CCSER1: variants seen among roughly 807,000 people sequenced by gnomAD.
The protein encoded by CCSER1 is coiled-coil serine rich protein 1.
A neutral mutation model predicts 82.0 loss-of-function variants in CCSER1; 41 were observed. That is an observed-to-expected ratio of 0.50 (90% CI 0.39 to 0.65). The LOEUF (loss-of-function observed/expected upper bound fraction) is 0.65. Ranked by LOEUF, CCSER1 falls within the 30% of genes least tolerant of loss-of-function variation. The pLI is 0.00. For synonymous variants in CCSER1, 414 were observed against 383.9 expected (o/e 1.08, Z -0.92); for missense variants, 1,119 against 1,064.2 (o/e 1.05, Z -0.72).
At chr4:90,158,378 G>C (rs1012338612) in intron 1 of CCSER1, among the ~76,000 whole-genome samples, 2 of 152,186 alleles carry the variant, frequency 1.3e-5, no homozygotes, top group South Asian at 4.1e-4. Context: ...CTCCAGCTGC[G>C]TGCTGGGAGA....
chr4:90,759,669 G>T (rs1244872869), intron 7 of CCSER1, among the ~76,000 whole-genome samples: 1 of 152,184 alleles, frequency 6.6e-6, no homozygotes, highest in Non-Finnish European at 1.5e-5. Context: ...GGCAACTCCA[G>T]TGAAGAACTC....
intron 10 of CCSER1, among the ~76,000 whole-genome samples, chr4:91,562,248 G>GT (rs918995365): frequency 9.2e-4 from 139 of 150,856 alleles, no homozygotes; most frequent in African/African-American, 3.3e-3. Flanking sequence ...ATATTGAAGT[G>GT]TTTTTTTTCA....
At chr4:90,805,021 A>C (rs1320165362) in intron 7 of CCSER1, among the ~76,000 whole-genome samples, 1 of 152,222 alleles carries the variant, frequency 6.6e-6, no homozygotes, top group Non-Finnish European at 1.5e-5. Flanking sequence ...TTTACTTTAA[A>C]AAATTTACTG....
intron 5 of CCSER1, among the ~76,000 whole-genome samples, chr4:90,535,127 C>A (rs1775150031): frequency 6.6e-6 from 1 of 152,002 alleles, no homozygotes; most frequent in Admixed American, 6.6e-5. Context: ...GAATAATTAA[C>A]TGCCACATTT....
intron 3 of CCSER1, among the ~76,000 whole-genome samples, chr4:90,383,777 G>A (rs1292313679): frequency 1.3e-5 from 2 of 151,434 alleles, no homozygotes; most frequent in South Asian, 2.1e-4. Context: ...TGTTGCCCAG[G>A]CTTGAGGACA....
At chr4:91,541,133 A>G (rs1028112036) in intron 10 of CCSER1, among the ~76,000 whole-genome samples, 2 of 152,232 alleles carry the variant, frequency 1.3e-5, no homozygotes, top group Non-Finnish European at 2.9e-5. Flanking sequence ...AAGTTGCGGC[A>G]AAGTGAGTTC....
At chr4:91,537,375 A>T (rs908550047) in intron 10 of CCSER1, among the ~76,000 whole-genome samples, 4 of 152,128 alleles carry the variant, frequency 2.6e-5, no homozygotes, top group Non-Finnish European at 5.9e-5. Context: ...TTAAAAAAGT[A>T]TTTAGCACAT....
At chr4:90,413,981 A>AATATATATATATATATATATATATAT (rs70963066) in intron 4 of CCSER1, among the ~76,000 whole-genome samples, 5 of 52,444 alleles carry the variant, frequency 9.5e-5, no homozygotes, top group East Asian at 8.4e-4. Flanking sequence ...AAAAAAAAAA[A>AATATATATATATATATATATATATAT]ATATATATAT....
intron 5 of CCSER1, among the ~76,000 whole-genome samples, chr4:90,620,877 G>A (rs943721481): frequency 6.6e-6 from 1 of 151,982 alleles, no homozygotes; most frequent in Non-Finnish European, 1.5e-5. Context: ...GCAGTGGCGC[G>A]ATCTCAGCTC....
chr4:90,651,366 G>A (rs1408132866), intron 6 of CCSER1, among the ~76,000 whole-genome samples: 1 of 152,060 alleles, frequency 6.6e-6, no homozygotes, highest in Admixed American at 6.6e-5. Flanking sequence ...CCATAAAAAA[G>A]GGTAAGTTCA....
intron 5 of CCSER1, among the ~76,000 whole-genome samples, chr4:90,621,820 A>G (rs540805870): frequency 1.0e-3 from 154 of 152,288 alleles, no homozygotes; most frequent in African/African-American, 3.6e-3. Flanking sequence ...TTGGAACTCT[A>G]TGTCTATCAG....
At chr4:91,419,655 A>G (rs966439745) in intron 10 of CCSER1, among the ~76,000 whole-genome samples, 2 of 152,008 alleles carry the variant, frequency 1.3e-5, no homozygotes, top group African/African-American at 2.4e-5. Context: ...ATTCATTGCA[A>G]TCCTTATCAG....
chr4:90,689,644 G>T (rs993537636), intron 6 of CCSER1, among the ~76,000 whole-genome samples: 7 of 152,044 alleles, frequency 4.6e-5, no homozygotes, highest in Admixed American at 4.6e-4. Context: ...AGTGGACCCT[G>T]ATCTTAAGAT....
At chr4:91,139,918 G>A (rs1049405139) in intron 10 of CCSER1, among the ~76,000 whole-genome samples, 12 of 152,008 alleles carry the variant, frequency 7.9e-5, no homozygotes, top group Non-Finnish European at 1.3e-4. Context: ...AAAGTACAAA[G>A]AAAGTACTTG....
intron 5 of CCSER1, chr4:90,468,558 C>T (rs888466489): frequency 1.1e-4 from 46 of 437,628 alleles, no homozygotes; most frequent in Non-Finnish European, 1.5e-4. Flanking sequence ...ATGTGTCATT[C>T]AAGTTTCATT....
chr4:91,165,985 A>C (rs2148990055), intron 10 of CCSER1, among the ~76,000 whole-genome samples: 1 of 152,336 alleles, frequency 6.6e-6, no homozygotes, highest in African/African-American at 2.4e-5. Flanking sequence ...CCTCAGTAGG[A>C]AATGCAGAAA....
At position 90,804,237 on chromosome 4, in the gene CCSER1, T is replaced by C. The variant is rs1277029428; in HGVS notation, c.2011-11525T>C. Among the ~76,000 whole-genome samples, 4 of 152,306 alleles carry C rather than the reference T, an allele frequency of 2.6e-5. No individual in the cohort carries two copies. In the East Asian group the frequency reaches 7.7e-4, roughly 29 times the overall value. Reference sequence around the variant, plus strand: ...TTTAATTAGATCCCATTTGTCAGTTTTGGCTTTTTTTGCTGTTGCTTTTGG... The same window carrying C: ...TTTAATTAGATCCCATTTGTCAGTTCTGGCTTTTTTTGCTGTTGCTTTTGG... On this transcript the variant is annotated intron_variant, in intron 7 of 10. Transcript: ENST00000509176.
intron 6 of CCSER1, among the ~76,000 whole-genome samples, chr4:90,692,033 G>GTGTATATATATATATATATA (rs1736094001): frequency 8.9e-6 from 1 of 112,280 alleles, no homozygotes. Flanking sequence ...AATTCAATGT[G>GTGTATATATATATATATATA]TGTATATATA....
At chr4:90,926,707 A>G (rs934888382) in intron 9 of CCSER1, among the ~76,000 whole-genome samples, 10 of 152,072 alleles carry the variant, frequency 6.6e-5, no homozygotes, top group Non-Finnish European at 4.4e-5. Flanking sequence ...TAAACACCAT[A>G]GTTTTTGTGA....
Sources: gnomAD v4.1 joint callset for allele counts (sites outside exome capture counted in the v4.1 genomes callset) on GRCh38, gnomAD v4.1.1 for gene constraint, MANE v1.5 for transcripts, NCBI Gene and HGNC (gene_info 2026-07-23, HGNC 2026-07-21) for gene names.